Variants in ITPR2 observed in about 807,000 individuals in gnomAD.
ITPR2 encodes inositol 1,4,5-trisphosphate receptor type 2.
A neutral mutation model predicts 317.1 loss-of-function variants in ITPR2; 207 were observed. That is an observed-to-expected ratio of 0.65 (90% CI 0.58 to 0.73). ITPR2 has a LOEUF of 0.73. ITPR2 is among the 30% of genes least tolerant of loss of function. The pLI is 0.00. For missense variants in ITPR2, 2,613 were observed against 3,284.0 expected (o/e 0.80, Z 4.99); for synonymous variants, 1,156 against 1,149.1 (o/e 1.01, Z -0.12).
chr12:26,485,492 C>A (rs557583558), intron 41 of ITPR2, among the ~76,000 whole-genome samples: 1 of 152,270 alleles, frequency 6.6e-6, no homozygotes, highest in African/African-American at 2.4e-5. Flanking sequence ...CCTTGGCCTG[C>A]CTGTGTACAA....
chr12:26,509,958 T>TTGTG (rs56063133), intron 37 of ITPR2, among the ~76,000 whole-genome samples: 1,803 of 53,198 alleles, frequency 0.034, 42 homozygotes, highest in Non-Finnish European at 0.048. Flanking sequence ...GATAAGGGTT[T>TTGTG]TGTGTGTGTG....
At chr12:26,599,878 G>GAA in intron 29 of ITPR2, 109 bp downstream of exon 29, 1 of 764,714 alleles carries the variant, frequency 1.3e-6, no homozygotes, top group Non-Finnish European at 2.0e-6. Context: ...TTTCCACAAG[G>GAA]AAAAAAAAAT....
chr12:26,679,679 T>C (rs1947990906), intron 13 of ITPR2, among the ~76,000 whole-genome samples: 1 of 152,170 alleles, frequency 6.6e-6, no homozygotes, highest in Admixed American at 6.5e-5. Context: ...CTAGTTTTCT[T>C]TTTTATTTTT....
rs182541806 is a variant in ITPR2, at chr12:26,742,369, G to A, written c.164-16604C>T. On this transcript the variant is annotated intron_variant, in intron 2 of 56. Transcript: ENST00000381340. ...AGAAACAGCCACAACAGAGTATGAC[G>A]GAAAACCTGTCCATGTCCACACAAA... is the stretch of plus-strand genomic sequence containing the variant. Among the ~76,000 whole-genome samples, 71 of 152,272 alleles carry A rather than the reference G, an allele frequency of 4.7e-4. 1 individual carries two copies. Among genetic ancestry groups the A allele is most frequent in the Admixed American group, 4.3e-3 (66 of 15,298 alleles).
rs1054169785 is a variant in ITPR2 at position 26,686,590 on chromosome 12, C to T, written c.1039G>A (p.Gly347Arg). ...ACCAAAGTATACATGATCTTCTCCC[C>T]TGCCTGGCGTTTTTTCTTTGAAGTT... ...PPTSKKKRQA[G>R]EKIMYTLVSV... Residue 347 changes from glycine to arginine, a missense_variant, in exon 11 of 57, where the codon GGG becomes AGG. Transcript: ENST00000381340. 3.1e-6 allele frequency: 5 copies of T among 1,611,266 alleles called. No individual in the cohort carries two copies. The South Asian group carries it at 3.3e-5, about 11-fold the overall frequency.
chr12:26,590,942 T>C (rs1272730530), intron 32 of ITPR2, among the ~76,000 whole-genome samples: 5 of 150,570 alleles, frequency 3.3e-5, no homozygotes, highest in Non-Finnish European at 7.4e-5. Flanking sequence ...TAAACGGGAG[T>C]GGTGGCAGGT....
At chr12:26,790,424 A>T (rs1348110585) in intron 1 of ITPR2, among the ~76,000 whole-genome samples, 197 bp from the exon 2 acceptor site, 2 of 152,224 alleles carry the variant, frequency 1.3e-5, no homozygotes, top group Non-Finnish European at 2.9e-5. Context: ...AAATTGAAAC[A>T]TTGGAAACAT....
At chr12:26,771,781 G>A (rs936332032) in intron 2 of ITPR2, among the ~76,000 whole-genome samples, 2 of 152,104 alleles carry the variant, frequency 1.3e-5, no homozygotes, top group Non-Finnish European at 2.9e-5. Context: ...CCAAAGTGCT[G>A]GGATTACAGG....
intron 26 of ITPR2, among the ~76,000 whole-genome samples, chr12:26,613,367 G>A (rs1170514850): frequency 6.6e-6 from 1 of 152,132 alleles, no homozygotes; most frequent in Non-Finnish European, 1.5e-5. Flanking sequence ...ACAAAGTGCA[G>A]AGAAATCCCT....
chr12:26,796,929 C>T (rs1343490450), intron 1 of ITPR2, among the ~76,000 whole-genome samples: 6 of 151,716 alleles, frequency 4.0e-5, no homozygotes, highest in African/African-American at 9.7e-5. Flanking sequence ...CCCAGCTACT[C>T]GGGAGGCTGA....
chr12:26,446,747 A>AAAC (rs1941617901), intron 45 of ITPR2, among the ~76,000 whole-genome samples: 3 of 151,310 alleles, frequency 2.0e-5, no homozygotes, highest in Admixed American at 6.6e-5. Flanking sequence ...AAAAAAAAAA[A>AAAC]AACACCCACC....
chr12:26,586,767 C>G (rs117686335), intron 32 of ITPR2, among the ~76,000 whole-genome samples: 2,418 of 152,204 alleles, frequency 0.016, 36 homozygotes, highest in South Asian at 0.049. Flanking sequence ...TATATAAAAA[C>G]CACTATTCTA....
intron 37 of ITPR2, among the ~76,000 whole-genome samples, chr12:26,513,747 A>ATC (rs923129301): frequency 1.5e-4 from 10 of 67,722 alleles, no homozygotes; most frequent in African/African-American, 4.0e-4. Context: ...ATTGCCAATT[A>ATC]TCACACACAC....
intron 37 of ITPR2, among the ~76,000 whole-genome samples, chr12:26,514,870 CTAAT>C: frequency 6.6e-6 from 1 of 152,310 alleles, no homozygotes; most frequent in Middle Eastern, 3.4e-3. Flanking sequence ...GTAGCTATGA[CTAAT>C]TATCCAGGCA....
chr12:26,523,522 C>CT (rs564468146), intron 37 of ITPR2, among the ~76,000 whole-genome samples: 2,883 of 138,096 alleles, frequency 0.021, 41 homozygotes, highest in African/African-American at 0.032. Context: ...ATGGCAAAAT[C>CT]TTTTTTTTTT....
intron 45 of ITPR2, among the ~76,000 whole-genome samples, chr12:26,445,981 TTAGA>T (rs1490220976): frequency 1.3e-5 from 2 of 152,044 alleles, no homozygotes; most frequent in African/African-American, 4.8e-5. Context: ...GGGGTTTGCC[TTAGA>T]TAGGAAAAAA....
At chr12:26,344,413 C>T (rs970152836) in intron 55 of ITPR2, among the ~76,000 whole-genome samples, 5 of 152,142 alleles carry the variant, frequency 3.3e-5, no homozygotes, top group African/African-American at 1.2e-4. Context: ...ATGGTGAAAA[C>T]ATCAACCTGC....
At chr12:26,467,253 T>C (rs1437775691) in intron 45 of ITPR2, among the ~76,000 whole-genome samples, 1 of 152,120 alleles carries the variant, frequency 6.6e-6, no homozygotes, top group East Asian at 1.9e-4. Context: ...AAGAAAAAAG[T>C]GGATTAATGA....
intron 21 of ITPR2, among the ~76,000 whole-genome samples, chr12:26,642,557 T>C (rs570521692): frequency 6.6e-6 from 1 of 152,336 alleles, no homozygotes; most frequent in East Asian, 1.9e-4. Flanking sequence ...TCCGGAGCTG[T>C]GAGCAATAAA....
Sources: allele counts gnomAD v4.1 joint callset (sites outside exome capture counted in the v4.1 genomes callset), GRCh38; gene constraint gnomAD v4.1.1; transcripts MANE v1.5; gene names NCBI Gene and HGNC (gene_info 2026-07-23, HGNC 2026-07-21).